The following CTNNA3 variants were observed in gnomAD, a reference collection of about 807,000 sequenced individuals.
CTNNA3 encodes the protein catenin alpha-3.
A neutral mutation model predicts 95.7 loss-of-function variants in CTNNA3; 76 were observed. That is an observed-to-expected ratio of 0.79 (90% CI 0.66 to 0.96). The LOEUF is 0.96. Ranked by LOEUF, CTNNA3 falls within the 40% of genes least tolerant of loss-of-function variation. The pLI is 0.00. For missense variants in CTNNA3, 1,191 were observed against 1,089.8 expected (o/e 1.09, Z -1.31); for synonymous variants, 431 against 374.4 (o/e 1.15, Z -1.74).
intron 17 of CTNNA3, among the ~76,000 whole-genome samples, chr10:65,927,393 A>G (rs2077183581): frequency 6.6e-6 from 1 of 152,216 alleles, no homozygotes; most frequent in Non-Finnish European, 1.5e-5. Flanking sequence ...TGTGAATTCT[A>G]GTATTGTTAC....
chr10:66,282,288 T>C (rs754632497), intron 12 of CTNNA3, among the ~76,000 whole-genome samples: 2 of 151,844 alleles, frequency 1.3e-5, no homozygotes, highest in Non-Finnish European at 2.9e-5. Context: ...ACTCTCAAAG[T>C]ATATCTCTAA....
chr10:65,983,702 T>C (rs1051442420), intron 16 of CTNNA3, among the ~76,000 whole-genome samples: 7 of 151,430 alleles, frequency 4.6e-5, no homozygotes, highest in African/African-American at 1.7e-4. Flanking sequence ...AAGCCTTTTT[T>C]GAGACCGCCA....
intron 1 of CTNNA3, chr10:67,750,327 T>A: frequency 6.6e-7 from 1 of 1,524,134 alleles, no homozygotes; most frequent in African/African-American, 1.4e-5. Context: ...AAGATGCCCA[T>A]TGTGGGCCTG....
At chr10:67,206,817 C>A (rs916192124) in intron 6 of CTNNA3, among the ~76,000 whole-genome samples, 2 of 151,524 alleles carry the variant, frequency 1.3e-5, no homozygotes, top group African/African-American at 4.9e-5. Context: ...AAGGGGAGAA[C>A]AATCAAGCCA....
intron 17 of CTNNA3, among the ~76,000 whole-genome samples, chr10:65,950,138 T>C (rs2133205347): frequency 6.6e-6 from 1 of 151,684 alleles, no homozygotes; most frequent in African/African-American, 2.4e-5. Context: ...AATATGGAAT[T>C]TCATTGATTT....
intron 7 of CTNNA3, among the ~76,000 whole-genome samples, chr10:66,924,643 G>C (rs1846964750): frequency 6.6e-6 from 1 of 152,174 alleles, no homozygotes; most frequent in Non-Finnish European, 1.5e-5. Flanking sequence ...TGTTCTTTGT[G>C]AGTTAATGAA....
chr10:66,613,042 C>G (rs182958973), intron 10 of CTNNA3, among the ~76,000 whole-genome samples: 2 of 152,144 alleles, frequency 1.3e-5, no homozygotes. Flanking sequence ...AGCACAGATC[C>G]TTTATGTTAA....
chr10:67,286,802 C>A (rs944402637), intron 5 of CTNNA3, among the ~76,000 whole-genome samples: 1 of 152,110 alleles, frequency 6.6e-6, no homozygotes, highest in African/African-American at 2.4e-5. Flanking sequence ...CACAGAACTA[C>A]AAAATTTTAA....
chr10:66,467,006 A>T (rs1838944262), intron 11 of CTNNA3, among the ~76,000 whole-genome samples: 1 of 152,086 alleles, frequency 6.6e-6, no homozygotes, highest in South Asian at 2.1e-4. Context: ...TCTAATCTCA[A>T]GACTGGAATC....
intron 7 of CTNNA3, among the ~76,000 whole-genome samples, chr10:67,052,190 A>G (rs1323104125): frequency 6.6e-6 from 1 of 152,184 alleles, no homozygotes; most frequent in Non-Finnish European, 1.5e-5. Flanking sequence ...TATCTGTGGT[A>G]CCAGCCAAAA....
chr10:66,401,745 G>A (rs1035239762), intron 11 of CTNNA3, among the ~76,000 whole-genome samples: 7 of 142,444 alleles, frequency 4.9e-5, no homozygotes, highest in Non-Finnish European at 6.0e-5. Context: ...TGCAACCTCC[G>A]TCTCCCAGGT....
At chr10:66,009,079 G>A (rs991576322) in intron 15 of CTNNA3, among the ~76,000 whole-genome samples, 2 of 151,850 alleles carry the variant, frequency 1.3e-5, no homozygotes, top group Non-Finnish European at 2.9e-5. Context: ...CAGCCTGGGT[G>A]ACAGAGTGAG....
At chr10:66,555,049 G>A (rs74143407) in intron 10 of CTNNA3, among the ~76,000 whole-genome samples, 4,223 of 152,056 alleles carry the variant, frequency 0.028, 212 homozygotes, top group African/African-American at 0.096. Flanking sequence ...TGGTGTTCTG[G>A]GCATTATTAA....
At chr10:67,409,159 T>C (rs1167443664) in intron 5 of CTNNA3, among the ~76,000 whole-genome samples, 2 of 152,132 alleles carry the variant, frequency 1.3e-5, no homozygotes, top group African/African-American at 4.8e-5. Context: ...AGTTTAACCA[T>C]TGTGGAAGAC....
intron 9 of CTNNA3, among the ~76,000 whole-genome samples, chr10:66,753,034 T>C (rs1839216613): frequency 6.6e-6 from 1 of 152,188 alleles, no homozygotes; most frequent in South Asian, 2.1e-4. Context: ...CAACCCTTGA[T>C]GGTGTTGCAT....
At chr10:67,132,688 G>A (rs575820671) in intron 7 of CTNNA3, among the ~76,000 whole-genome samples, 7 of 151,946 alleles carry the variant, frequency 4.6e-5, no homozygotes, top group South Asian at 2.1e-4. Context: ...ATCAACAGAC[G>A]AATGGATAAA....
At chr10:66,888,301 C>CT (rs1323378676) in intron 7 of CTNNA3, among the ~76,000 whole-genome samples, 3 of 152,154 alleles carry the variant, frequency 2.0e-5, no homozygotes, top group African/African-American at 7.2e-5. Flanking sequence ...TCTGTAAACA[C>CT]TTTAAGAGTA....
At chr10:66,399,801 T>C (rs2093006437) in intron 11 of CTNNA3, among the ~76,000 whole-genome samples, 1 of 151,994 alleles carries the variant, frequency 6.6e-6, no homozygotes, top group Non-Finnish European at 1.5e-5. Flanking sequence ...TTCAGCTCTT[T>C]AAGTGTTAAT....
intron 5 of CTNNA3, among the ~76,000 whole-genome samples, chr10:67,385,127 ATT>A (rs1176077936): frequency 1.3e-5 from 2 of 152,110 alleles, no homozygotes; most frequent in African/African-American, 4.8e-5. Flanking sequence ...TTTCTTTTCA[ATT>A]ATTTTATATG....
Sources: gnomAD v4.1 joint callset for allele counts (sites outside exome capture counted in the v4.1 genomes callset) on GRCh38, gnomAD v4.1.1 for gene constraint, MANE v1.5 for transcripts, NCBI Gene and HGNC (gene_info 2026-07-23, HGNC 2026-07-21) for gene names.